The following TMEM266 variants were observed in gnomAD, a reference collection of about 807,000 sequenced individuals.
The protein encoded by TMEM266 is Hv1 related protein 1.
Under a neutral mutation model 50.5 loss-of-function variants are expected in TMEM266, and 33 were observed. That is an observed-to-expected ratio of 0.65 (90% CI 0.50 to 0.87). The LOEUF (loss-of-function observed/expected upper bound fraction) is 0.87. TMEM266 is among the 40% of genes least tolerant of loss of function. The probability of loss-of-function intolerance (pLI) is 0.00; values close to 1 mark genes in which losing one functional copy is unlikely to be tolerated. For synonymous variants in TMEM266, 310 were observed against 292.3 expected (o/e 1.06, Z -0.62); for missense variants, 655 against 695.1 (o/e 0.94, Z 0.65).
intron 1 of TMEM266, among the ~76,000 whole-genome samples, chr15:76,090,199 A>T (rs35233980): frequency 6.6e-6 from 1 of 151,904 alleles, no homozygotes; most frequent in Admixed American, 6.6e-5. Context: ...GTATTGAAAG[A>T]TTGGGAAGAG....
Position 76,161,280 on chromosome 15 carries a change from A to G in TMEM266, c.456+1112A>G, listed in dbSNP as rs1043244386. 8.5e-5 allele frequency among the ~76,000 whole-genome samples: 13 copies of G among 152,176 alleles called. No homozygotes were observed. The highest frequency in any genetic ancestry group is 4.6e-4 in the Admixed American group (7 of 15,288). ...TGCTGGGAACATACGCACATCTCAC[A>G]CCAACGGGAGCTGCTCTACCTGAGG... On this transcript the variant is annotated intron_variant, in intron 5 of 10. Coordinates refer to ENST00000388942, the MANE Select transcript of TMEM266 (RefSeq NM_152335.3). The surrounding 1 kb of genome is among the most constrained non-coding windows in gnomAD (Gnocchi z 4.1).
At chr15:76,087,059 C>T (rs1219087274) in intron 1 of TMEM266, among the ~76,000 whole-genome samples, 1 of 152,120 alleles carries the variant, frequency 6.6e-6, no homozygotes, top group Non-Finnish European at 1.5e-5. Flanking sequence ...TTCCCTGCCT[C>T]CAGTCCCTCT....
chr15:76,102,749 GA>G (rs2142004604), intron 1 of TMEM266, among the ~76,000 whole-genome samples: 1 of 149,544 alleles, frequency 6.7e-6, no homozygotes, highest in East Asian at 2.0e-4. Context: ...TGAGGCAGGA[GA>G]ATCACTTGAA....
intron 9 of TMEM266, among the ~76,000 whole-genome samples, chr15:76,198,095 T>G (rs986796081): frequency 3.3e-5 from 5 of 152,144 alleles, no homozygotes; most frequent in Admixed American, 3.3e-4. Flanking sequence ...GGCCCTGGGC[T>G]AAACATTCAT....
At chr15:76,064,279 C>T (rs1355105781) in intron 1 of TMEM266, among the ~76,000 whole-genome samples, 1 of 152,150 alleles carries the variant, frequency 6.6e-6, no homozygotes, top group Non-Finnish European at 1.5e-5. Context: ...TGGTGTCATC[C>T]CTGTTTGAGC....
intron 1 of TMEM266, among the ~76,000 whole-genome samples, chr15:76,075,821 A>G (rs1183784532): frequency 1.4e-5 from 2 of 139,442 alleles, no homozygotes; most frequent in Non-Finnish European, 3.1e-5. Flanking sequence ...TCTGGAGGAG[A>G]ATGAAGAGAA....
chr15:76,086,936 G>GC lies in TMEM266; in HGVS notation c.-97+26920_-97+26921insC, dbSNP rs371532872. Among the ~76,000 whole-genome samples, 83 of 151,772 alleles carry GC rather than the reference G, an allele frequency of 5.5e-4. 1 individual carries two copies. Among genetic ancestry groups the GC allele is most frequent in the African/African-American group, 1.9e-3 (78 of 41,300 alleles). ...AGAAAAAGGGAGCAGGTCGGGGGGG[G>GC]GGCGGTGGTGTTGCAAAGGGAGTAC... On this transcript the variant is annotated intron_variant, in intron 1 of 10. Transcript: ENST00000388942.
chr15:76,170,971 T>G, intron 6 of TMEM266, 22 bp from the exon 7 acceptor site: 1 of 1,606,618 alleles, frequency 6.2e-7, no homozygotes, highest in East Asian at 2.2e-5. Flanking sequence ...CCCAGGGCAC[T>G]GAAATGGGCC....
At chr15:76,064,520 G>A (rs2036374722) in intron 1 of TMEM266, among the ~76,000 whole-genome samples, 1 of 152,204 alleles carries the variant, frequency 6.6e-6, no homozygotes, top group African/African-American at 2.4e-5. Flanking sequence ...GGGAGTTCAT[G>A]GTTATGGAAA....
intron 1 of TMEM266, among the ~76,000 whole-genome samples, chr15:76,090,815 G>A (rs2036838597): frequency 6.6e-6 from 1 of 152,162 alleles, no homozygotes; most frequent in Non-Finnish European, 1.5e-5. Context: ...CAAAATTACA[G>A]CTAGATGGAT....
At chr15:76,198,066 G>C (rs1185280267) in intron 9 of TMEM266, among the ~76,000 whole-genome samples, 1 of 152,228 alleles carries the variant, frequency 6.6e-6, no homozygotes, top group East Asian at 1.9e-4. Context: ...GGAGCCAGGG[G>C]TTCAGGGAGG....
At position 76,203,883 on chromosome 15, in the gene TMEM266, T is replaced by G. The variant is rs1446787619; in HGVS notation, c.1164T>G (p.Ser388Arg). Reference sequence around the variant, plus strand: ...ATGGCACCAGCGCCACCTCGGAGAGTGCCTCCCGCAGCTCAGTCACCCGGG... The same window carrying G: ...ATGGCACCAGCGCCACCTCGGAGAGGGCCTCCCGCAGCTCAGTCACCCGGG... The change falls in exon 11 of 11, where the codon AGT becomes AGG. Residue 388 changes from serine (S) to arginine (R), a missense_variant. Transcript: ENST00000388942. 1 of 1,613,902 alleles carries G rather than the reference T, an allele frequency of 6.2e-7. No homozygotes were observed. Among genetic ancestry groups the G allele is most frequent in the Non-Finnish European group, 8.5e-7 (1 of 1,179,954 alleles).
intron 3 of TMEM266, among the ~76,000 whole-genome samples, chr15:76,152,402 G>C (rs1022698610): frequency 1.3e-5 from 2 of 152,222 alleles, no homozygotes; most frequent in African/African-American, 4.8e-5. Context: ...AGGCCTGATT[G>C]TGCAGCTGCC....
chr15:76,082,785 A>G (rs1210281090), intron 1 of TMEM266, among the ~76,000 whole-genome samples: 1 of 152,168 alleles, frequency 6.6e-6, no homozygotes, highest in African/African-American at 2.4e-5. Flanking sequence ...CCTGGCCAAC[A>G]TGGTGAAACC....
chr15:76,146,474 G>A (rs1190740298), intron 3 of TMEM266, among the ~76,000 whole-genome samples: 15 of 152,146 alleles, frequency 9.9e-5, no homozygotes, highest in Admixed American at 9.2e-4. Flanking sequence ...GAGGAAGTTC[G>A]GGTCTTGGGC....
chr15:76,084,512 C>T (rs1353874394), intron 1 of TMEM266, among the ~76,000 whole-genome samples: 2 of 151,818 alleles, frequency 1.3e-5, no homozygotes, highest in Non-Finnish European at 2.9e-5. Flanking sequence ...TGAGTTTGGG[C>T]AACTGGGACA....
rs1488122637 is a variant in TMEM266, at chr15:76,075,900, G to A, written c.-97+15884G>A. On this transcript the variant is annotated intron_variant, in intron 1 of 10. Coordinates refer to ENST00000388942, the MANE Select transcript of TMEM266 (RefSeq NM_152335.3). ...GAGACACGGGCTTTTTTTGTGTCCC[G>A]GGCTGGAGTGCAGTGGCACAATCAT... Among the ~76,000 whole-genome samples the A allele has an allele frequency of 3.6e-4, 41 of 114,722 alleles. 3 individuals are homozygous for A. The Admixed American group carries it at 5.4e-3, about 15-fold the overall frequency. 75.3% of individuals were successfully genotyped at this position (114,722 alleles called of 152,430 possible).
chr15:76,181,462 C>T (rs994046697), intron 8 of TMEM266: 4 of 152,278 alleles, frequency 2.6e-5, no homozygotes, highest in African/African-American at 9.6e-5. Context: ...TCTGCAGTCC[C>T]TTCCAGACTC....
At chr15:76,188,371 G>A (rs2038519373) in intron 8 of TMEM266, among the ~76,000 whole-genome samples, 1 of 152,156 alleles carries the variant, frequency 6.6e-6, no homozygotes. Flanking sequence ...CCATCAGATT[G>A]AGGCAGGCAG....
Sources: gnomAD v4.1 joint callset for allele counts (sites outside exome capture counted in the v4.1 genomes callset) on GRCh38, gnomAD v4.1.1 for gene constraint, Gnocchi (gnomAD v3.1) non-coding constraint, MANE v1.5 for transcripts, NCBI Gene and HGNC (gene_info 2026-07-23, HGNC 2026-07-21) for gene names.